MCPH1: variants seen among roughly 807,000 people sequenced by gnomAD.
The protein encoded by MCPH1 is microcephalin 1, also known as microcephalin.
A neutral mutation model predicts 84.5 loss-of-function variants in MCPH1; 104 were observed. That is an observed-to-expected ratio of 1.23 (90% CI 1.05 to 1.45). The LOEUF (loss-of-function observed/expected upper bound fraction) is 1.45, where lower values mean the gene tolerates loss of function less well. MCPH1 is among the 40% of genes most tolerant of loss of function. MCPH1 has a pLI of 0.00. For missense variants in MCPH1, 1,498 were observed against 1,005.7 expected, an observed-to-expected ratio of 1.49 and a Z score of -6.62; for synonymous variants, 514 against 366.8, an observed-to-expected ratio of 1.40 and a Z score of -4.58.
intron 12 of MCPH1, among the ~76,000 whole-genome samples, chr8:6,543,976 T>C (rs1445113482): frequency 1.3e-5 from 2 of 152,252 alleles, no homozygotes; most frequent in East Asian, 1.9e-4. Flanking sequence ...AGTTGCAATA[T>C]ATTTTAAGCA....
chr8:6,645,714 T>C lies in MCPH1; in HGVS notation c.*2665T>C, dbSNP rs1186828572. On this transcript the variant is annotated 3_prime_UTR_variant, in exon 14 of 14. Coordinates refer to ENST00000344683, the MANE Select transcript of MCPH1 (RefSeq NM_024596.5). ...AAGATTATATACAAACCTAACAGAATTGTATTTATATATACTGTCAATAAG... is the reference window on the plus strand; with the variant it reads ...AAGATTATATACAAACCTAACAGAACTGTATTTATATATACTGTCAATAAG... The C allele has an allele frequency of 3.3e-5, 5 of 150,276 alleles. No individual in the cohort carries two copies. The highest frequency in any genetic ancestry group is 2.1e-4 in the South Asian group (1 of 4,776). The allele number at this position is 150,276 out of a possible 1,614,324, so 9.3% of individuals were successfully genotyped here.
In MCPH1 at chr8:6,477,330, C is replaced by G. The variant is rs556173146; in HGVS notation, c.1936-264C>G. Reference sequence around the variant, plus strand: ...GAGGTCTGCTGGCTAACTGGTGGAACAGATTCCTGGGGGAAATTTTTTTGT... The same window carrying G: ...GAGGTCTGCTGGCTAACTGGTGGAAGAGATTCCTGGGGGAAATTTTTTTGT... On this transcript the variant is annotated intron_variant, in intron 9 of 13. Coordinates refer to ENST00000344683, the MANE Select transcript of MCPH1 (RefSeq NM_024596.5). 5.4e-5 allele frequency: 24 copies of G among 441,192 alleles called. No individual in the cohort carries two copies. In the South Asian group the frequency reaches 6.7e-4, roughly 12 times the overall value. The allele number at this position is 441,192 out of a possible 1,614,324, so 27.3% of individuals were successfully genotyped here.
intron 12 of MCPH1, among the ~76,000 whole-genome samples, chr8:6,604,963 A>G (rs1304594122): frequency 6.6e-6 from 1 of 152,264 alleles, no homozygotes; most frequent in Non-Finnish European, 1.5e-5. Context: ...TTTCAAAAGG[A>G]AAGAAAATTA....
intron 12 of MCPH1, among the ~76,000 whole-genome samples, chr8:6,505,388 T>G: frequency 1.6e-5 from 1 of 62,142 alleles, no homozygotes; most frequent in Admixed American, 1.6e-4. Context: ...ATTCTTTCTA[T>G]ATGTATATAG....
At chr8:6,583,395 A>T (rs893091139) in intron 12 of MCPH1, among the ~76,000 whole-genome samples, 1 of 152,166 alleles carries the variant, frequency 6.6e-6, no homozygotes, top group African/African-American at 2.4e-5. Context: ...TTTACTGAAG[A>T]CTTTTCTTGC....
chr8:6,477,210 G>A (rs182206785), intron 9 of MCPH1: 140 of 220,972 alleles, frequency 6.3e-4, no homozygotes, highest in African/African-American at 3.2e-3. Context: ...GAATGAGGCT[G>A]CCTAGAAGTC....
chr8:6,611,130 TCACA>T (rs138053875), intron 12 of MCPH1, among the ~76,000 whole-genome samples: 3,961 of 149,830 alleles, frequency 0.026, 195 homozygotes, highest in African/African-American at 0.091. Flanking sequence ...ACACACACAC[TCACA>T]CACACACACA....
chr8:6,576,008 G>A (rs1827051706), intron 12 of MCPH1, among the ~76,000 whole-genome samples: 2 of 148,258 alleles, frequency 1.3e-5, no homozygotes. Context: ...GCAAGTTTGT[G>A]GTACTTTGTT....
Position 6,523,628 on chromosome 8 carries a change from G to T in MCPH1, c.2214+23699G>T, listed in dbSNP as rs186455506. 9.9e-5 allele frequency among the ~76,000 whole-genome samples: 15 copies of T among 152,206 alleles called. No homozygotes were observed. The East Asian group carries it at 2.9e-3, about 30-fold the overall frequency. ...ATGGAGTCTCGGAGTCTCGCGCTGT[G>T]GCCTGGGCTGTTGTGCAGTGGCGCG... On this transcript the variant is annotated intron_variant, in intron 12 of 13. Coordinates refer to ENST00000344683, the MANE Select transcript of MCPH1 (RefSeq NM_024596.5).
Position 6,494,341 on chromosome 8 carries a change from CT to C in MCPH1, c.2137-5509del, listed in dbSNP as rs1162362974. ...AGATAGCCTAGAGAGTATTTTTTAT[CT>C]TCTATAGCTGTAAACCTTGATATGG... On this transcript the variant is annotated intron_variant, in intron 11 of 13. Transcript: ENST00000344683. 1.3e-5 allele frequency: 2 copies of C among 152,144 alleles called. 1 individual carries two copies. The highest frequency in any genetic ancestry group is 4.8e-5 in the African/African-American group (2 of 41,432). 9.4% of individuals were successfully genotyped at this position (152,144 alleles called of 1,614,324 possible).
intron 9 of MCPH1, among the ~76,000 whole-genome samples, chr8:6,458,619 T>C (rs1805953697): frequency 6.6e-6 from 1 of 152,166 alleles, no homozygotes; most frequent in East Asian, 1.9e-4. Context: ...TATAAATTTC[T>C]TAAAAGGTAA....
At chr8:6,592,202 G>C (rs1441184449) in intron 12 of MCPH1, among the ~76,000 whole-genome samples, 1 of 151,938 alleles carries the variant, frequency 6.6e-6, no homozygotes, top group Non-Finnish European at 1.5e-5. Context: ...ACCCAAACTG[G>C]AGTGCAATGG....
intron 12 of MCPH1, among the ~76,000 whole-genome samples, chr8:6,549,320 C>T (rs74937299): frequency 1.4e-3 from 213 of 152,324 alleles, no homozygotes; most frequent in African/African-American, 5.0e-3. Flanking sequence ...ATGGATCCAT[C>T]ACAGAAATAA....
intron 12 of MCPH1, among the ~76,000 whole-genome samples, chr8:6,546,995 T>C (rs1273395370): frequency 6.6e-6 from 1 of 152,190 alleles, no homozygotes; most frequent in Non-Finnish European, 1.5e-5. Flanking sequence ...GAACAGCATT[T>C]ATAACCACGG....
intron 12 of MCPH1, among the ~76,000 whole-genome samples, chr8:6,561,458 G>A (rs1003211422): frequency 2.0e-5 from 3 of 152,186 alleles, no homozygotes; most frequent in Non-Finnish European, 4.4e-5. Context: ...GAGGAGCACC[G>A]ATTAGGCTCC....
chr8:6,538,099 C>T (rs564234397), intron 12 of MCPH1, among the ~76,000 whole-genome samples: 2 of 152,166 alleles, frequency 1.3e-5, no homozygotes, highest in African/African-American at 4.8e-5. Flanking sequence ...CTCTCACACA[C>T]ACATACACGT....
intron 13 of MCPH1, among the ~76,000 whole-genome samples, chr8:6,624,339 G>A (rs1831833578): frequency 6.6e-6 from 1 of 152,204 alleles, no homozygotes. Flanking sequence ...TATTGTGTGT[G>A]CTGCAGACCT....
intron 1 of MCPH1, 164 bp downstream of exon 1, chr8:6,406,853 TCCCACCAAAACCCCC>T (rs1797772161): frequency 5.2e-5 from 2 of 38,244 alleles, no homozygotes; most frequent in African/African-American, 2.2e-4. Flanking sequence ...CCGCTGCCTG[TCCCACCAAAACCCCC>T]TGCTCCTGCT....
chr8:6,523,154 T>C (rs1817682570), intron 12 of MCPH1, among the ~76,000 whole-genome samples: 1 of 152,046 alleles, frequency 6.6e-6, no homozygotes, highest in African/African-American at 2.4e-5. Context: ...CATGTCACCA[T>C]GTCAGGCTAA....
Sources: gnomAD v4.1 joint callset for allele counts (sites outside exome capture counted in the v4.1 genomes callset) on GRCh38, gnomAD v4.1.1 for gene constraint, MANE v1.5 for transcripts, NCBI Gene and HGNC (gene_info 2026-07-23, HGNC 2026-07-21) for gene names.